The following KCNB2 variants were observed in gnomAD, a reference collection of about 807,000 sequenced individuals.
The protein encoded by KCNB2 is potassium voltage-gated channel subfamily B member 2, also known as delayed rectifier potassium channel protein.
Under a neutral mutation model 61.5 loss-of-function variants are expected in KCNB2, and 15 were observed. The observed-to-expected ratio is 0.24, with a 90% CI of 0.16 to 0.38. The LOEUF (loss-of-function observed/expected upper bound fraction) is 0.38, where lower values mean the gene tolerates loss of function less well. Ranked by LOEUF, KCNB2 falls within the 10% of genes least tolerant of loss-of-function variation. The pLI is 1.00. For missense variants in KCNB2, 828 were observed against 1,125.2 expected (o/e 0.74, Z 3.78); for synonymous variants, 457 against 446.0 (o/e 1.02, Z -0.31).
intron 2 of KCNB2, among the ~76,000 whole-genome samples, chr8:72,874,417 T>C (rs1262172354): frequency 2.0e-5 from 3 of 152,152 alleles, no homozygotes; most frequent in Non-Finnish European, 4.4e-5. Flanking sequence ...ATTCACCAGC[T>C]GCAGCATCTG....
intron 2 of KCNB2, among the ~76,000 whole-genome samples, chr8:72,682,957 T>C (rs1057083763): frequency 6.6e-6 from 1 of 152,188 alleles, no homozygotes; most frequent in Non-Finnish European, 1.5e-5. Context: ...AATAACATCA[T>C]TGAGATAAGA....
intron 2 of KCNB2, among the ~76,000 whole-genome samples, chr8:72,652,626 C>T (rs1024758588): frequency 2.0e-5 from 3 of 152,084 alleles, no homozygotes; most frequent in African/African-American, 4.8e-5. Flanking sequence ...CCTCCAAGCT[C>T]TCAGGCTGAC....
chr8:72,682,495 A>T (rs182314632), intron 2 of KCNB2, among the ~76,000 whole-genome samples: 4 of 151,402 alleles, frequency 2.6e-5, no homozygotes, highest in Non-Finnish European at 5.9e-5. Flanking sequence ...AAAAAATCCC[A>T]TATTTGATTG....
chr8:72,597,025 T>C, intron 2 of KCNB2, among the ~76,000 whole-genome samples: 1 of 107,068 alleles, frequency 9.3e-6, no homozygotes, highest in Non-Finnish European at 1.9e-5. Context: ...TTTTTTTTTT[T>C]TTTTTTTTTT....
chr8:72,829,689 T>C (rs1422353805), intron 2 of KCNB2, among the ~76,000 whole-genome samples: 3 of 152,204 alleles, frequency 2.0e-5, no homozygotes, highest in African/African-American at 4.8e-5. Flanking sequence ...TTGGTGCTTC[T>C]AAATTGCACT....
At chr8:72,765,004 T>C (rs1374370343) in intron 2 of KCNB2, among the ~76,000 whole-genome samples, 1 of 152,182 alleles carries the variant, frequency 6.6e-6, no homozygotes, top group African/African-American at 2.4e-5. Context: ...TGGTTCTCAA[T>C]TGCAGAATAT....
chr8:72,782,742 G>A (rs939169271), intron 2 of KCNB2, among the ~76,000 whole-genome samples: 2 of 152,110 alleles, frequency 1.3e-5, no homozygotes, highest in African/African-American at 4.8e-5. Flanking sequence ...CTCGCTGGCT[G>A]TGAGTGAAGT....
At chr8:72,606,418 A>T (rs1247597896) in intron 2 of KCNB2, among the ~76,000 whole-genome samples, 1 of 152,212 alleles carries the variant, frequency 6.6e-6, no homozygotes, top group Non-Finnish European at 1.5e-5. Flanking sequence ...AATATTTTTA[A>T]AAATGGGAAA....
intron 2 of KCNB2, among the ~76,000 whole-genome samples, chr8:72,737,137 C>T (rs1807860768): frequency 1.3e-5 from 2 of 151,804 alleles, no homozygotes; most frequent in South Asian, 2.1e-4. Flanking sequence ...TACTCTTTCT[C>T]AGGATATTTA....
chr8:72,839,972 A>G (rs1282692001), intron 2 of KCNB2, among the ~76,000 whole-genome samples: 1 of 151,264 alleles, frequency 6.6e-6, no homozygotes, highest in Admixed American at 6.6e-5. Flanking sequence ...CAGGTTTGTT[A>G]CATAGTTATA....
chr8:72,839,371 AC>A (rs1327901907), intron 2 of KCNB2, among the ~76,000 whole-genome samples: 7 of 152,196 alleles, frequency 4.6e-5, no homozygotes, highest in Non-Finnish European at 7.3e-5. Context: ...TCTTTTGAAC[AC>A]CAATTGTATG....
intron 2 of KCNB2, among the ~76,000 whole-genome samples, chr8:72,761,885 A>C (rs184890169): frequency 2.0e-5 from 3 of 152,302 alleles, no homozygotes; most frequent in Non-Finnish European, 1.5e-5. Flanking sequence ...TATCCCCTTC[A>C]TAAGGCACAG....
intron 2 of KCNB2, among the ~76,000 whole-genome samples, chr8:72,916,247 A>G (rs535430169): frequency 6.6e-6 from 1 of 152,162 alleles, no homozygotes; most frequent in Non-Finnish European, 1.5e-5. Flanking sequence ...AATATAAAAG[A>G]TTATTGATTA....
intron 2 of KCNB2, among the ~76,000 whole-genome samples, chr8:72,746,467 C>T (rs1285972758): frequency 6.6e-6 from 1 of 152,102 alleles, no homozygotes; most frequent in African/African-American, 2.4e-5. Flanking sequence ...AAAGAAAAGA[C>T]ACCAACAAAC....
chr8:72,776,074 A>T (rs915696788), intron 2 of KCNB2, among the ~76,000 whole-genome samples: 2 of 152,158 alleles, frequency 1.3e-5, no homozygotes, highest in African/African-American at 4.8e-5. Context: ...TGCAGCCATA[A>T]AAAAGGATGA....
rs986225084 is a variant in KCNB2, at chr8:72,555,622, C to T, written c.-93-12020C>T. ...TGAAGAAAAAAAAAATGAAAAAAAC[C>T]CATAACAATATTAAAGAAGAATTTT... On this transcript the variant is annotated intron_variant, in intron 1 of 2. Coordinates refer to ENST00000523207, the MANE Select transcript of KCNB2 (RefSeq NM_004770.3). Among the ~76,000 whole-genome samples, 8 of 151,242 alleles carry T rather than the reference C, an allele frequency of 5.3e-5. No homozygotes were observed. In the East Asian group the frequency reaches 1.3e-3, roughly 26 times the overall value.
chr8:72,909,026 A>G (rs369861953), intron 2 of KCNB2, among the ~76,000 whole-genome samples: 23 of 152,268 alleles, frequency 1.5e-4, no homozygotes, highest in Non-Finnish European at 2.2e-4. Context: ...AGTCAACAAT[A>G]TTTATTAAGC....
chr8:72,675,180 A>G (rs546280159), intron 2 of KCNB2, among the ~76,000 whole-genome samples: 11 of 152,204 alleles, frequency 7.2e-5, no homozygotes, highest in Admixed American at 2.6e-4. Flanking sequence ...GGTATATTGG[A>G]AAAAAAACTT....
chr8:72,567,813 A>G lies in KCNB2; in HGVS notation c.79A>G (p.Ile27Val), dbSNP rs775774979. The change falls in exon 2 of 3, where the codon ATT becomes GTT. Residue 27 changes from isoleucine (I) to valine (V), a missense_variant. Ile to Val is a conservative substitution (Grantham distance 29). This residue lies in a region of KCNB2 where 62 missense variants were observed against 54.8 expected (regional missense o/e 1.13). Transcript: ENST00000523207. Reference protein sequence around the residue: ...TLSLPPEPVDIIRSKTCSRRV... With the variant: ...TLSLPPEPVDVIRSKTCSRRV... ...TTCCCTTCCTCCAGAGCCTGTGGACATTATCCGGAGCAAAACATGCTCCAG... is the reference window on the plus strand; with the variant it reads ...TTCCCTTCCTCCAGAGCCTGTGGACGTTATCCGGAGCAAAACATGCTCCAG... 5.6e-6 allele frequency: 9 copies of G among 1,613,722 alleles called. No individual in the cohort carries two copies. The highest frequency in any genetic ancestry group is 2.2e-5 in the South Asian group (2 of 91,002).
Sources: gnomAD v4.1 joint callset for allele counts (sites outside exome capture counted in the v4.1 genomes callset) on GRCh38, gnomAD v4.1.1 for gene constraint, gnomAD v4.1.1 regional missense constraint, MANE v1.5 for transcripts, NCBI Gene and HGNC (gene_info 2026-07-23, HGNC 2026-07-21) for gene names.